ANKS1B: variants seen among roughly 807,000 people sequenced by gnomAD.
ANKS1B encodes the protein ankyrin repeat and sterile alpha motif domain containing 1B, also known as ankyrin repeat and sterile alpha motif domain-containing protein 1B.
Under a neutral mutation model 148.3 loss-of-function variants are expected in ANKS1B, and 36 were observed. The observed-to-expected ratio is 0.24, with a 90% CI of 0.19 to 0.32. The LOEUF is 0.32. Among genes scored for constraint, ANKS1B ranks in the 10% least tolerant of loss-of-function variants. The probability of loss-of-function intolerance (pLI) is 1.00; values close to 1 mark genes in which losing one functional copy is unlikely to be tolerated. For missense variants in ANKS1B, 1,157 were observed against 1,542.6 expected (o/e 0.75, Z 4.19); for synonymous variants, 542 against 560.8 (o/e 0.97, Z 0.47).
At chr12:99,528,897 G>A (rs544935125) in intron 9 of ANKS1B, among the ~76,000 whole-genome samples, 1 of 152,264 alleles carries the variant, frequency 6.6e-6, no homozygotes, top group East Asian at 1.9e-4. Context: ...ACTGGGAAAT[G>A]AGATCATATT....
At position 99,246,714 on chromosome 12, in the gene ANKS1B, T is replaced by C. The variant is rs1289769523; in HGVS notation, c.1907A>G (p.Gln636Arg). 1 of 1,613,886 alleles carries C rather than the reference T, an allele frequency of 6.2e-7. No individual in the cohort carries two copies. Among genetic ancestry groups the C allele is most frequent in the Admixed American group, 1.7e-5 (1 of 59,982 alleles). The stretch of plus-strand genomic sequence containing the variant: ...ACTGTTTGCCAAACTGACTTCATCT[T>C]GTCCTTTTTCACATTGTTCTCTTTT... Reference protein sequence around the residue: ...YGKREQCEKGQDEVSLANSPL... With the variant: ...YGKREQCEKGRDEVSLANSPL... The change falls in exon 13 of 27, where the codon CAA becomes CGA. Residue 636 changes from glutamine to arginine, a missense_variant. Gln to Arg is a conservative substitution (Grantham distance 43). Transcript: ENST00000683438.
intron 8 of ANKS1B, among the ~76,000 whole-genome samples, chr12:99,766,302 T>C (rs1297419207): frequency 6.6e-6 from 1 of 152,046 alleles, no homozygotes; most frequent in Non-Finnish European, 1.5e-5. Context: ...ATGCAAAACA[T>C]ATACACCTAC....
In ANKS1B at chr12:99,104,495, G is replaced by C. The variant is rs1030935385; in HGVS notation, c.2527-19472C>G. ...TTTGGCACTTTATTCTATATGATCG[G>C]CTATTTGTTCTTCTCTTATTACTTC... is the stretch of plus-strand genomic sequence containing the variant. On this transcript the variant is annotated intron_variant, in intron 15 of 26. Transcript: ENST00000683438. 5.3e-5 allele frequency: 8 copies of C among 152,074 alleles called. 1 individual carries two copies. Among genetic ancestry groups the C allele is most frequent in the Middle Eastern group, 6.3e-3 (2 of 316 alleles). 9.4% of individuals were successfully genotyped at this position (152,074 alleles called of 1,614,324 possible).
intron 15 of ANKS1B, among the ~76,000 whole-genome samples, chr12:99,142,949 G>A (rs555651385): frequency 6.6e-6 from 1 of 152,220 alleles, no homozygotes; most frequent in Non-Finnish European, 1.5e-5. Flanking sequence ...CAGGCCTGAT[G>A]AATGCCAAAT....
At chr12:98,867,860 C>CA (rs201913809) in intron 17 of ANKS1B, among the ~76,000 whole-genome samples, 3,254 of 117,090 alleles carry the variant, frequency 0.028, 50 homozygotes, top group African/African-American at 0.054. Flanking sequence ...GACTCCATCT[C>CA]AAAAAAAAAA....
chr12:99,094,564 T>C (rs932376811), intron 15 of ANKS1B, among the ~76,000 whole-genome samples: 1 of 152,170 alleles, frequency 6.6e-6, no homozygotes, highest in Non-Finnish European at 1.5e-5. Context: ...AAGTGACATG[T>C]AATTAAGACC....
chr12:99,287,148 G>C (rs2079240799), intron 12 of ANKS1B, among the ~76,000 whole-genome samples: 1 of 152,182 alleles, frequency 6.6e-6, no homozygotes, highest in African/African-American at 2.4e-5. Context: ...CCCAGTGATG[G>C]TGACCATAGG....
intron 2 of ANKS1B, among the ~76,000 whole-genome samples, chr12:99,814,539 A>G (rs1368147538): frequency 6.6e-6 from 1 of 151,748 alleles, no homozygotes; most frequent in African/African-American, 2.4e-5. Context: ...GGGTTGTTAT[A>G]TAGGGTCTTC....
At chr12:99,382,382 A>T (rs1028213269) in intron 12 of ANKS1B, among the ~76,000 whole-genome samples, 1 of 152,160 alleles carries the variant, frequency 6.6e-6, no homozygotes, top group African/African-American at 2.4e-5. Context: ...TAAAATGAGC[A>T]TATCAAAGAG....
At chr12:98,837,765 T>C (rs1161869842) in intron 17 of ANKS1B, among the ~76,000 whole-genome samples, 1 of 152,186 alleles carries the variant, frequency 6.6e-6, no homozygotes, top group Non-Finnish European at 1.5e-5. Flanking sequence ...TTTTAAAATT[T>C]AATGTGATAT....
chr12:99,971,652 T>A (rs1344849339), intron 1 of ANKS1B, among the ~76,000 whole-genome samples: 3 of 151,968 alleles, frequency 2.0e-5, no homozygotes, highest in Non-Finnish European at 4.4e-5. Flanking sequence ...GAATACTAAT[T>A]GAGATCCAGG....
chr12:99,362,658 A>G (rs1318505767), intron 12 of ANKS1B, among the ~76,000 whole-genome samples: 1 of 152,062 alleles, frequency 6.6e-6, no homozygotes, highest in African/African-American at 2.4e-5. Context: ...ATATTTATAA[A>G]AATATCTGCT....
chr12:99,237,819 C>T (rs1468478195), intron 14 of ANKS1B, among the ~76,000 whole-genome samples: 15 of 152,298 alleles, frequency 9.8e-5, no homozygotes, highest in Non-Finnish European at 2.2e-4. Context: ...GTCTCACTAT[C>T]TTGCCAAGGC....
chr12:99,940,314 A>G (rs2094887830), intron 1 of ANKS1B, among the ~76,000 whole-genome samples: 1 of 152,214 alleles, frequency 6.6e-6, no homozygotes, highest in Admixed American at 6.5e-5. Context: ...AATGAAATGT[A>G]CAATAATGTA....
At chr12:98,794,129 C>T (rs1335579487) in intron 22 of ANKS1B, among the ~76,000 whole-genome samples, 6 of 152,214 alleles carry the variant, frequency 3.9e-5, no homozygotes, top group African/African-American at 7.2e-5. Flanking sequence ...CGGTGGCTCA[C>T]GCCTGTAATC....
In ANKS1B at chr12:99,697,439, T is replaced by C. The variant is rs115879046; in HGVS notation, c.1129-42229A>G. 8.0e-3 allele frequency among the ~76,000 whole-genome samples: 1,212 copies of C among 151,922 alleles called. 16 individuals are homozygous for C. The highest frequency in any genetic ancestry group is 0.028 in the African/African-American group (1,154 of 41,512). On this transcript the variant is annotated intron_variant, in intron 8 of 26. Transcript: ENST00000683438. ...TAAGCTTTCAAAGCATGAAAAGACA[T>C]AAAGAAACCTTAAATTTATATTACT...
At chr12:98,811,315 C>A (rs2099093753) in intron 19 of ANKS1B, among the ~76,000 whole-genome samples, 1 of 152,158 alleles carries the variant, frequency 6.6e-6, no homozygotes, top group Admixed American at 6.5e-5. Context: ...GGGGGACAAA[C>A]ATAACCCCAG....
At chr12:99,567,049 T>C (rs935888817) in intron 9 of ANKS1B, among the ~76,000 whole-genome samples, 1 of 152,182 alleles carries the variant, frequency 6.6e-6, no homozygotes, top group African/African-American at 2.4e-5. Flanking sequence ...TGGCTCAGTC[T>C]TATGCTCAAA....
chr12:99,572,610 A>G (rs2097470358), intron 9 of ANKS1B, among the ~76,000 whole-genome samples: 1 of 152,094 alleles, frequency 6.6e-6, no homozygotes, highest in East Asian at 1.9e-4. Context: ...CATTTTAGGT[A>G]CTTGTGGGCT....
Sources: gnomAD v4.1 joint callset for allele counts (sites outside exome capture counted in the v4.1 genomes callset) on GRCh38, gnomAD v4.1.1 for gene constraint, MANE v1.5 for transcripts, NCBI Gene and HGNC (gene_info 2026-07-23, HGNC 2026-07-21) for gene names.